The following PKD1L3 variants were observed in gnomAD, a reference collection of about 807,000 sequenced individuals.
The protein encoded by PKD1L3 is polycystin-1-like protein 3.
PKD1L3 carries 239 observed loss-of-function variants against 184.1 expected under a neutral mutation model. That is an observed-to-expected ratio of 1.30 (90% CI 1.17 to 1.45). The LOEUF (loss-of-function observed/expected upper bound fraction) is 1.45. PKD1L3 is among the 40% of genes most tolerant of loss of function. The pLI is 0.00. For missense variants in PKD1L3, 2,660 were observed against 2,067.2 expected (o/e 1.29, Z -5.56); for synonymous variants, 996 against 778.8 (o/e 1.28, Z -4.64).
intron 22 of PKD1L3, 72 bp from the exon 23 acceptor site, chr16:71,944,242 A>AG: frequency 7.4e-7 from 1 of 1,358,708 alleles, no homozygotes. Flanking sequence ...TTCATTGAGC[A>AG]TCTACTGTGA....
At chr16:71,948,804 A>AAAAAAAAC (rs2038719526) in intron 21 of PKD1L3, among the ~76,000 whole-genome samples, 1 of 11,168 alleles carries the variant, frequency 9.0e-5, no homozygotes, top group Non-Finnish European at 2.0e-4. Context: ...TACATATAGT[A>AAAAAAAAC]AAAAAAAAAA....
At position 71,948,183 on chromosome 16, in the gene PKD1L3, G is replaced by C. The variant is rs190883890; in HGVS notation, c.3619-592C>G. Reference sequence around the variant, plus strand: ...TGCAACCTCTGCCTCCCGGGTTCAAGTGATTCTCCCTGCCTCAGCCTCCTG... The same window carrying C: ...TGCAACCTCTGCCTCCCGGGTTCAACTGATTCTCCCTGCCTCAGCCTCCTG... On this transcript the variant is annotated intron_variant, in intron 21 of 29. Transcript: ENST00000620267. Among the ~76,000 whole-genome samples, 3 of 152,266 alleles carry C rather than the reference G, an allele frequency of 2.0e-5. No homozygotes were observed. The East Asian group carries it at 5.8e-4, about 29-fold the overall frequency.
chr16:71,951,884 C>G (rs1567506626), intron 18 of PKD1L3, 140 bp from the exon 19 acceptor site: 2 of 740,902 alleles, frequency 2.7e-6, no homozygotes, highest in Admixed American at 3.1e-5. Context: ...TCATGTTCCT[C>G]TAATTTTTCA....
Position 71,934,057 on chromosome 16 carries a change from A to G in PKD1L3, c.4682T>C (p.Leu1561Pro). The G allele has an allele frequency of 1.3e-6, 2 of 1,551,924 alleles. No homozygotes were observed. The highest frequency in any genetic ancestry group is 1.7e-6 in the Non-Finnish European group (2 of 1,147,040). The change falls in exon 27 of 30, where the codon CTC (leucine) becomes CCC (proline). Residue 1561 changes from leucine (L) to proline (P), a missense_variant. Coordinates refer to ENST00000620267, the MANE Select transcript of PKD1L3 (RefSeq NM_181536.2). ...AATHLVGFPV[L>P]LATVQLWNLL... Reference sequence around the variant, plus strand: ...GTTCCATAACTGAACAGTTGCCAGGAGAACCGGGAAGCCCACAAGGTGAGT... The same window carrying G: ...GTTCCATAACTGAACAGTTGCCAGGGGAACCGGGAAGCCCACAAGGTGAGT...
chr16:71,991,224 G>T, intron 3 of PKD1L3: 1 of 225,680 alleles, frequency 4.4e-6, no homozygotes. Context: ...GGTTTCATCC[G>T]AATCCACTGG....
intron 16 of PKD1L3, among the ~76,000 whole-genome samples, chr16:71,954,647 T>C (rs2038978004): frequency 1.3e-5 from 2 of 152,218 alleles, no homozygotes; most frequent in Non-Finnish European, 2.9e-5. Flanking sequence ...CTGCTCAAAA[T>C]AGTTTGGTAA....
intron 26 of PKD1L3, 131 bp downstream of exon 26, chr16:71,935,224 AGTC>A: frequency 3.2e-6 from 3 of 937,388 alleles, no homozygotes; most frequent in Non-Finnish European, 4.7e-6. Context: ...TGTGGACATG[AGTC>A]CAAGTTCTCT....
At chr16:71,993,706 C>G (rs939688767) in intron 2 of PKD1L3, among the ~76,000 whole-genome samples, 5 of 152,190 alleles carry the variant, frequency 3.3e-5, no homozygotes, top group African/African-American at 1.2e-4. Flanking sequence ...AAATTCCATA[C>G]TAAGCGTAAT....
Position 71,951,579 on chromosome 16 carries a change from G to A in PKD1L3, c.3175C>T (p.Arg1059Cys), listed in dbSNP as rs149764523. The change falls in exon 19 of 30, where the codon CGC becomes TGC. Residue 1059 changes from arginine to cysteine, a missense_variant. Transcript: ENST00000620267. ...EGQGCHQQGE[R>C]HWARVVPENH... The stretch of plus-strand genomic sequence containing the variant: ...TGAAGTTTACCACGTGCCCAGTGGC[G>A]CTCTCCCTGCTGATGACAGCCTTGA... 4.0e-5 allele frequency: 62 copies of A among 1,550,170 alleles called. No individual in the cohort carries two copies. In the East Asian group the frequency reaches 1.0e-3, roughly 25 times the overall value.
At chr16:71,930,018 T>TAAC in intron 29 of PKD1L3, 34 bp downstream of exon 29, 2 of 1,535,624 alleles carry the variant, frequency 1.3e-6, no homozygotes, top group African/African-American at 1.4e-5. Flanking sequence ...CCCAGTGATA[T>TAAC]AACAGCATGC....
intron 17 of PKD1L3, 73 bp from the exon 18 acceptor site, chr16:71,953,166 T>C: frequency 8.0e-7 from 1 of 1,248,642 alleles, no homozygotes; most frequent in Non-Finnish European, 1.1e-6. Flanking sequence ...CTCTCCTAGG[T>C]TTAACTATTT....
chr16:71,953,140 A>T (rs1375693358), intron 17 of PKD1L3, 47 bp from the exon 18 acceptor site: 7 of 1,376,716 alleles, frequency 5.1e-6, no homozygotes, highest in Admixed American at 6.9e-5. Context: ...CAATTAAAAT[A>T]ATCGCAAAGT....
intron 9 of PKD1L3, 117 bp downstream of exon 9, chr16:71,979,669 T>A (rs575341389): frequency 1.6e-6 from 2 of 1,229,280 alleles, no homozygotes; most frequent in East Asian, 5.7e-5. Context: ...CTACATAAAC[T>A]CTCTCATCTG....
intron 9 of PKD1L3, among the ~76,000 whole-genome samples, chr16:71,979,085 A>G (rs1018573825): frequency 4.9e-4 from 75 of 152,362 alleles, no homozygotes; most frequent in African/African-American, 1.7e-3. Flanking sequence ...AAGGAATACA[A>G]TATATTGATA....
At chr16:71,933,369 T>C in intron 28 of PKD1L3, 51 bp downstream of exon 28, 16 of 1,378,586 alleles carry the variant, frequency 1.2e-5, no homozygotes, top group Non-Finnish European at 1.6e-5. Context: ...CCCCCCAATT[T>C]TCCTTGTTCA....
intron 15 of PKD1L3, 47 bp from the exon 16 acceptor site, chr16:71,963,398 A>G: frequency 6.8e-7 from 1 of 1,480,594 alleles, no homozygotes; most frequent in Non-Finnish European, 9.1e-7. Context: ...GGCTTGAATC[A>G]GTTGTCTGTA....
chr16:71,978,191 C>G, intron 10 of PKD1L3, 64 bp downstream of exon 10: 5 of 1,484,836 alleles, frequency 3.4e-6, no homozygotes, highest in Non-Finnish European at 4.6e-6. Context: ...GTTGTTGCAT[C>G]CTTCCATCCT....
chr16:72,000,050 C>A lies in PKD1L3; in HGVS notation c.-72G>T. On this transcript the variant is annotated 5_prime_UTR_variant, in exon 1 of 30. Coordinates refer to ENST00000620267, the MANE Select transcript of PKD1L3 (RefSeq NM_181536.2). Reference sequence around the variant, plus strand: ...CTGGTCCTTTAAATATATATATTGGCGGGCTTGTCTTATTAGTATTATTCT... The same window carrying A: ...CTGGTCCTTTAAATATATATATTGGAGGGCTTGTCTTATTAGTATTATTCT... 1 of 1,223,308 alleles carries A rather than the reference C, an allele frequency of 8.2e-7. No homozygotes were observed. Among genetic ancestry groups the A allele is most frequent in the South Asian group, 1.8e-5 (1 of 54,096 alleles). 75.8% of individuals were successfully genotyped at this position (1,223,308 alleles called of 1,614,324 possible). A position where few individuals can be genotyped will look rare whatever the true frequency, so the allele number is the denominator to read the frequency against.
intron 16 of PKD1L3, among the ~76,000 whole-genome samples, chr16:71,954,691 A>G (rs2038979769): frequency 6.6e-6 from 1 of 152,178 alleles, no homozygotes; most frequent in Non-Finnish European, 1.5e-5. Flanking sequence ...TACTCCAAAT[A>G]TGGAGGAACT....
Sources: gnomAD v4.1 joint callset for allele counts (sites outside exome capture counted in the v4.1 genomes callset) on GRCh38, gnomAD v4.1.1 for gene constraint, MANE v1.5 for transcripts, NCBI Gene and HGNC (gene_info 2026-07-23, HGNC 2026-07-21) for gene names.